Variants in PSPC1 observed in about 807,000 individuals in gnomAD.
PSPC1 encodes the protein paraspeckle protein 1.
In PSPC1, 14 loss-of-function variants were observed where a neutral mutation model predicts 51.6. The ratio of observed to expected loss-of-function variants is 0.27; its 90% CI spans 0.18 to 0.42. PSPC1 has a LOEUF of 0.42. PSPC1 is among the 10% of genes least tolerant of loss of function. PSPC1 has a pLI of 1.00. For missense variants in PSPC1, 406 were observed against 701.1 expected (o/e 0.58, Z 4.75); for synonymous variants, 193 against 231.9 (o/e 0.83, Z 1.53).
chr13:19,687,671 C>CCTAT (rs11272616), intron 6 of PSPC1, among the ~76,000 whole-genome samples: 7 of 152,170 alleles, frequency 4.6e-5, no homozygotes, highest in African/African-American at 1.7e-4. Flanking sequence ...ACATAAATCC[C>CCTAT]AGTCGTGACC....
rs185690579 is a variant in PSPC1 at position 19,704,933 on chromosome 13, T to C, written c.1386+729A>G. The stretch of plus-strand genomic sequence containing the variant: ...AATGTTAATTTACAGCCAAATTCTT[T>C]GCAATAAATCATGACAGGTAATATT... On this transcript the variant is annotated intron_variant, in intron 8 of 8. Coordinates refer to ENST00000338910, the MANE Select transcript of PSPC1 (RefSeq NM_001354909.2). 1.4e-3 allele frequency among the ~76,000 whole-genome samples: 220 copies of C among 152,314 alleles called. 1 individual carries two copies. The highest frequency in any genetic ancestry group is 5.2e-3 in the African/African-American group (215 of 41,564).
At chr13:19,737,616 T>G (rs1020918761) in intron 5 of PSPC1, among the ~76,000 whole-genome samples, 3 of 152,214 alleles carry the variant, frequency 2.0e-5, no homozygotes, top group African/African-American at 7.2e-5. Context: ...TAATATTTTT[T>G]CCTTTTGTAT....
At chr13:19,754,171 G>A (rs1346037657) in intron 3 of PSPC1, among the ~76,000 whole-genome samples, 2 of 151,038 alleles carry the variant, frequency 1.3e-5, no homozygotes, top group African/African-American at 4.9e-5. Flanking sequence ...TGCAACCTCC[G>A]CCTCCTGGGT....
Position 19,703,123 on chromosome 13 carries a change from A to G in PSPC1, c.*52T>C. ...CTTCCAGATAACAGGTAAAAGTATA[A>G]AGGCATACCACTGACTTTTTTTTTT... On this transcript the variant is annotated 3_prime_UTR_variant, in exon 9 of 9. Transcript: ENST00000338910. 7.1e-6 allele frequency: 11 copies of G among 1,551,568 alleles called. No individual in the cohort carries two copies. The highest frequency in any genetic ancestry group is 9.7e-6 in the Non-Finnish European group (11 of 1,128,406).
At chr13:19,687,359 T>A (rs1317625491) in intron 6 of PSPC1, among the ~76,000 whole-genome samples, 1 of 152,222 alleles carries the variant, frequency 6.6e-6, no homozygotes, top group Non-Finnish European at 1.5e-5. Flanking sequence ...CACCAAGCCC[T>A]GCAGGGGACA....
intron 6 of PSPC1, among the ~76,000 whole-genome samples, chr13:19,720,300 C>T (rs1882607833): frequency 6.6e-6 from 1 of 152,062 alleles, no homozygotes; most frequent in African/African-American, 2.4e-5. Context: ...TCATAACTGG[C>T]CAGGTCAAGG....
intron 5 of PSPC1, among the ~76,000 whole-genome samples, chr13:19,740,414 A>G (rs1031144214): frequency 3.3e-5 from 5 of 152,186 alleles, no homozygotes; most frequent in African/African-American, 1.2e-4. Flanking sequence ...AAACTCAGGT[A>G]CAAAGTTTGA....
At chr13:19,722,331 T>C (rs899529994) in intron 6 of PSPC1, among the ~76,000 whole-genome samples, 2 of 151,654 alleles carry the variant, frequency 1.3e-5, no homozygotes, top group African/African-American at 2.4e-5. Flanking sequence ...ACTCCAACTC[T>C]ACAAAAAAAA....
chr13:19,682,894 T>G (rs1483582488), intron 6 of PSPC1, among the ~76,000 whole-genome samples: 1 of 151,030 alleles, frequency 6.6e-6, no homozygotes, highest in African/African-American at 2.4e-5. Context: ...AGAGACCCTG[T>G]CTCTCACTAA....
chr13:19,730,969 A>AAAAAAAAAAAAAAAAAAAAAAAAAAAC (rs1884023504), intron 5 of PSPC1, among the ~76,000 whole-genome samples: 2 of 146,606 alleles, frequency 1.4e-5, no homozygotes, highest in Non-Finnish European at 3.0e-5. Context: ...AAAAAACAAA[A>AAAAAAAAAAAAAAAAAAAAAAAAAAAC]AAAAAAAAAA....
chr13:19,708,509 A>AT (rs1293771977), intron 7 of PSPC1, among the ~76,000 whole-genome samples: 1 of 152,216 alleles, frequency 6.6e-6, no homozygotes, highest in Non-Finnish European at 1.5e-5. Flanking sequence ...GGCCTACGAT[A>AT]TGCCACACTT....
intron 5 of PSPC1, among the ~76,000 whole-genome samples, chr13:19,733,225 A>G (rs1375178734): frequency 1.3e-5 from 2 of 152,188 alleles, no homozygotes; most frequent in South Asian, 2.1e-4. Flanking sequence ...CAAGAAACAC[A>G]TCTGTTACAG....
chr13:19,696,701 A>G (rs1480575265), intron 6 of PSPC1, among the ~76,000 whole-genome samples: 2 of 152,136 alleles, frequency 1.3e-5, no homozygotes, highest in Non-Finnish European at 2.9e-5. Context: ...CATATTCACC[A>G]TGAGGGTAAG....
intron 5 of PSPC1, 78 bp downstream of exon 5, chr13:19,741,487 T>A (rs1355460979): frequency 1.9e-6 from 2 of 1,039,644 alleles, no homozygotes; most frequent in Non-Finnish European, 2.8e-6. Context: ...ACTCAACTTA[T>A]ACAACTTGTA....
At chr13:19,700,774 A>T (rs993197531), downstream of PSPC1, among the ~76,000 whole-genome samples, 5 of 148,182 alleles carry the variant, frequency 3.4e-5, no homozygotes, top group African/African-American at 5.2e-5. Flanking sequence ...TACTTTTTAT[A>T]AAAAAAAGAT....
rs189021774 is a variant in PSPC1, at chr13:19,679,533, G to A, written c.1159-1710C>T. The stretch of plus-strand genomic sequence containing the variant: ...AGAAAAGAAAATGTAGTTAGGCCCC[G>A]AGTGGTTGTGTCTATACTGAACATG... On this transcript the variant is annotated intron_variant and NMD_transcript_variant, in intron 6 of 7. Coordinates refer to the PSPC1 transcript ENST00000471658. 3.4e-4 allele frequency among the ~76,000 whole-genome samples: 52 copies of A among 152,222 alleles called. 1 individual carries two copies. Among genetic ancestry groups the A allele is most frequent in the African/African-American group, 1.1e-3 (46 of 41,542 alleles).
At chr13:19,750,141 A>T (rs1455352214) in intron 4 of PSPC1, among the ~76,000 whole-genome samples, 1 of 152,226 alleles carries the variant, frequency 6.6e-6, no homozygotes, top group African/African-American at 2.4e-5. Context: ...AAAAATACTG[A>T]ATCTAGTACA....
intron 1 of PSPC1, 85 bp from the exon 2 acceptor site, chr13:19,772,628 T>A: frequency 7.6e-7 from 1 of 1,324,366 alleles, no homozygotes; most frequent in Non-Finnish European, 1.0e-6. Context: ...GAGAACTAGG[T>A]ATCTTTAGCA....
At chr13:19,759,766 G>A (rs1016344688) in intron 2 of PSPC1, among the ~76,000 whole-genome samples, 2 of 151,540 alleles carry the variant, frequency 1.3e-5, no homozygotes, top group Non-Finnish European at 2.9e-5. Context: ...GGACGCTGAG[G>A]CAGGAGAACT....
Sources: allele counts gnomAD v4.1 joint callset (sites outside exome capture counted in the v4.1 genomes callset), GRCh38; gene constraint gnomAD v4.1.1; transcripts MANE v1.5; gene names NCBI Gene and HGNC (gene_info 2026-07-23, HGNC 2026-07-21).